Variants in NRCAM observed in about 807,000 individuals in gnomAD.
NRCAM encodes the protein NgCAM-related cell adhesion molecule.
A neutral mutation model predicts 156.5 loss-of-function variants in NRCAM; 83 were observed. The observed-to-expected ratio is 0.53, with a 90% CI of 0.44 to 0.64. The LOEUF is 0.64. Ranked by LOEUF, NRCAM falls within the 30% of genes least tolerant of loss-of-function variation. The pLI is 0.00. For missense variants in NRCAM, 1,417 were observed against 1,597.3 expected (o/e 0.89, Z 1.92); for synonymous variants, 538 against 563.9 (o/e 0.95, Z 0.65).
At chr7:108,227,782 T>C (rs560291738) in intron 8 of NRCAM, among the ~76,000 whole-genome samples, 5 of 152,288 alleles carry the variant, frequency 3.3e-5, no homozygotes, top group African/African-American at 1.2e-4. Context: ...GTTTTTGCAG[T>C]GTAAGTCAAG....
At chr7:108,362,967 G>T (rs917222014) in intron 2 of NRCAM, among the ~76,000 whole-genome samples, 7 of 152,102 alleles carry the variant, frequency 4.6e-5, no homozygotes, top group African/African-American at 1.7e-4. Flanking sequence ...CAGGAAATGT[G>T]CAAGATGAGC....
Position 108,148,036 on chromosome 7 carries a change from A to G in NRCAM, c.*1874T>C, listed in dbSNP as rs1331153304. On this transcript the variant is annotated 3_prime_UTR_variant, in exon 33 of 33. Transcript: ENST00000379028. ...AAAATGAATATAGAGACATGAAAGTATTTAGGGCCATCTTTACCTGGGATT... is the reference window on the plus strand; with the variant it reads ...AAAATGAATATAGAGACATGAAAGTGTTTAGGGCCATCTTTACCTGGGATT... 3 of 152,670 alleles carry G rather than the reference A, an allele frequency of 2.0e-5. No homozygotes were observed. Among genetic ancestry groups the G allele is most frequent in the Admixed American group, 1.3e-4 (2 of 15,284 alleles). The allele number at this position is 152,670 out of a possible 1,614,324, so 9.5% of individuals were successfully genotyped here.
intron 3 of NRCAM, among the ~76,000 whole-genome samples, chr7:108,288,750 T>C (rs1169961146): frequency 6.6e-6 from 1 of 152,052 alleles, no homozygotes. Context: ...CCAGTAACAG[T>C]AGGGAAAGTG....
chr7:108,215,070 T>C (rs574068825), intron 11 of NRCAM, among the ~76,000 whole-genome samples: 93 of 152,296 alleles, frequency 6.1e-4, no homozygotes, highest in Non-Finnish European at 1.1e-3. Flanking sequence ...ATGTATATTC[T>C]GTTGATTTGG....
At chr7:108,451,723 C>T (rs1318123340) in intron 1 of NRCAM, among the ~76,000 whole-genome samples, 1 of 152,142 alleles carries the variant, frequency 6.6e-6, no homozygotes. Context: ...TATGATTCCA[C>T]TCATATGAGG....
chr7:108,304,079 T>C (rs1457439620), intron 3 of NRCAM, among the ~76,000 whole-genome samples: 2 of 152,178 alleles, frequency 1.3e-5, no homozygotes, highest in Non-Finnish European at 2.9e-5. Flanking sequence ...CTCTCCAAAA[T>C]TACTTTCAAT....
At chr7:108,160,589 T>C in intron 30 of NRCAM, 97 bp from the exon 31 acceptor site, 2 of 985,016 alleles carry the variant, frequency 2.0e-6, no homozygotes, top group South Asian at 4.8e-5. Flanking sequence ...TTATGTGAGC[T>C]TTCATATATT....
At chr7:108,288,399 T>A (rs1016608439) in intron 3 of NRCAM, among the ~76,000 whole-genome samples, 8 of 152,024 alleles carry the variant, frequency 5.3e-5, no homozygotes, top group African/African-American at 1.2e-4. Context: ...AAAATAAAAA[T>A]TTTTAACAAC....
At chr7:108,267,769 C>A (rs76609123) in intron 3 of NRCAM, among the ~76,000 whole-genome samples, 2 of 152,180 alleles carry the variant, frequency 1.3e-5, no homozygotes, top group African/African-American at 4.8e-5. Context: ...CCTCTTTCTA[C>A]AAATTGTTAA....
chr7:108,270,515 T>C (rs1030477039), intron 3 of NRCAM, among the ~76,000 whole-genome samples: 1 of 152,226 alleles, frequency 6.6e-6, no homozygotes, highest in Non-Finnish European at 1.5e-5. Flanking sequence ...ACAGACTTTT[T>C]TTTTTAAGAC....
chr7:108,373,742 A>C (rs2099643879), intron 2 of NRCAM, among the ~76,000 whole-genome samples: 1 of 152,118 alleles, frequency 6.6e-6, no homozygotes, highest in Non-Finnish European at 1.5e-5. Context: ...TGAACTACAG[A>C]GCTAATGGTT....
chr7:108,214,203 T>C (rs912785025), intron 11 of NRCAM, among the ~76,000 whole-genome samples: 3 of 152,334 alleles, frequency 2.0e-5, no homozygotes, highest in South Asian at 4.1e-4. Context: ...CTGGTAGAAT[T>C]TGGCTGTAAA....
At chr7:108,168,051 T>A (rs1297181263) in intron 29 of NRCAM, among the ~76,000 whole-genome samples, 1 of 152,232 alleles carries the variant, frequency 6.6e-6, no homozygotes, top group Non-Finnish European at 1.5e-5. Flanking sequence ...ACATACGTAA[T>A]GGAACATATG....
intron 3 of NRCAM, among the ~76,000 whole-genome samples, chr7:108,284,036 G>A (rs935846865): frequency 3.3e-5 from 5 of 151,934 alleles, no homozygotes; most frequent in Non-Finnish European, 7.4e-5. Context: ...TAGTAGAGAC[G>A]GGGTTTCACT....
At chr7:108,405,748 AAC>A (rs1329702922) in intron 1 of NRCAM, among the ~76,000 whole-genome samples, 1 of 152,198 alleles carries the variant, frequency 6.6e-6, no homozygotes, top group Non-Finnish European at 1.5e-5. Context: ...ATGTGGAAAA[AAC>A]ACAGGACATT....
intron 2 of NRCAM, among the ~76,000 whole-genome samples, chr7:108,317,931 A>AG (rs1259812973): frequency 6.6e-6 from 1 of 150,768 alleles, no homozygotes; most frequent in Non-Finnish European, 1.5e-5. Context: ...AAAGAAAGAA[A>AG]GAAAGGAAAG....
chr7:108,187,813 G>T lies in NRCAM; in HGVS notation c.2035+1832C>A, dbSNP rs552173884. Among the ~76,000 whole-genome samples the T allele has an allele frequency of 2.1e-4, 32 of 152,226 alleles. No individual in the cohort carries two copies. The South Asian group carries it at 6.6e-3, about 32-fold the overall frequency. On this transcript the variant is annotated intron_variant, in intron 20 of 32. Coordinates refer to ENST00000379028, the MANE Select transcript of NRCAM (RefSeq NM_001037132.4). ...AAAAATACAAAAAAAAAAGTAGCCG[G>T]GTGTGGTGGCGGGCGCCTGTAGTCC...
intron 3 of NRCAM, among the ~76,000 whole-genome samples, chr7:108,270,320 C>G (rs974043241): frequency 6.6e-6 from 1 of 152,178 alleles, no homozygotes; most frequent in Non-Finnish European, 1.5e-5. Context: ...TGCATGGTCC[C>G]TCAGTGAGAG....
intron 30 of NRCAM, among the ~76,000 whole-genome samples, chr7:108,165,171 T>C (rs1440340188): frequency 6.6e-6 from 1 of 152,214 alleles, no homozygotes; most frequent in Non-Finnish European, 1.5e-5. Flanking sequence ...ATACCAAGTG[T>C]TGACCGAAGC....
Sources: gnomAD v4.1 joint callset for allele counts (sites outside exome capture counted in the v4.1 genomes callset) on GRCh38, gnomAD v4.1.1 for gene constraint, MANE v1.5 for transcripts, NCBI Gene and HGNC (gene_info 2026-07-23, HGNC 2026-07-21) for gene names.